The following CD96 variants were observed in gnomAD, a reference collection of about 807,000 sequenced individuals.
CD96 encodes T-cell surface protein tactile.
CD96 carries 70 observed loss-of-function variants against 71.3 expected under a neutral mutation model. That is an observed-to-expected ratio of 0.98 (90% CI 0.81 to 1.20). The LOEUF (loss-of-function observed/expected upper bound fraction) is 1.20, where lower values mean the gene tolerates loss of function less well. Among genes scored for constraint, CD96 ranks in the 50% most tolerant of loss-of-function variants. The pLI, the probability that CD96 is intolerant of heterozygous loss-of-function variation, is 0.00. For missense variants in CD96, 742 were observed against 677.5 expected, an observed-to-expected ratio of 1.10 and a Z score of -1.06; for synonymous variants, 248 against 233.0, an observed-to-expected ratio of 1.06 and a Z score of -0.59.
At chr3:111,661,597 C>A (rs1249570929) in intron 14 of CD96, among the ~76,000 whole-genome samples, 1 of 152,194 alleles carries the variant, frequency 6.6e-6, no homozygotes, top group African/African-American at 2.4e-5. Flanking sequence ...TTGGCCAAAA[C>A]AAAGGGGCTA....
At chr3:111,591,304 C>T (rs1276960402) in intron 5 of CD96, among the ~76,000 whole-genome samples, 1 of 134,662 alleles carries the variant, frequency 7.4e-6, no homozygotes, top group Non-Finnish European at 1.5e-5. Flanking sequence ...ACCCAGGAGG[C>T]GGAGGTTGCA....
intron 12 of CD96, among the ~76,000 whole-genome samples, chr3:111,639,794 C>A (rs1036293789): frequency 1.3e-5 from 2 of 152,150 alleles, no homozygotes; most frequent in Non-Finnish European, 2.9e-5. Context: ...ATAGATGGTT[C>A]ATATCACAGG....
intron 12 of CD96, among the ~76,000 whole-genome samples, chr3:111,646,610 C>T (rs907493149): frequency 4.0e-5 from 6 of 151,070 alleles, no homozygotes; most frequent in East Asian, 1.9e-4. Flanking sequence ...TATACACTGC[C>T]GGTGGGAATG....
chr3:111,642,258 CA>C (rs1233617655), intron 12 of CD96, among the ~76,000 whole-genome samples: 1 of 151,962 alleles, frequency 6.6e-6, no homozygotes, highest in Non-Finnish European at 1.5e-5. Context: ...TGAGATTAAC[CA>C]AGAAAAGAAG....
intron 8 of CD96, among the ~76,000 whole-genome samples, chr3:111,616,553 G>A (rs1447375102): frequency 6.6e-6 from 1 of 152,160 alleles, no homozygotes; most frequent in East Asian, 1.9e-4. Context: ...CCCTGATGAT[G>A]ATGATGCATG....
intron 14 of CD96, among the ~76,000 whole-genome samples, chr3:111,663,766 T>TTTTTATG (rs1940411865): frequency 6.6e-6 from 1 of 151,586 alleles, no homozygotes; most frequent in Non-Finnish European, 1.5e-5. Flanking sequence ...TTTTTTTTTT[T>TTTTTATG]GAGATGGAGT....
At chr3:111,569,059 G>A (rs1467479840) in intron 3 of CD96, among the ~76,000 whole-genome samples, 1 of 152,112 alleles carries the variant, frequency 6.6e-6, no homozygotes, top group Admixed American at 6.5e-5. Context: ...GTAACAGCTG[G>A]CACAATTTGG....
intron 4 of CD96, among the ~76,000 whole-genome samples, chr3:111,581,481 T>C (rs1371909998): frequency 6.6e-6 from 1 of 152,202 alleles, no homozygotes; most frequent in African/African-American, 2.4e-5. Context: ...ACCCAGCATA[T>C]TTCTTCTTCC....
At chr3:111,600,675 G>A (rs925990089) in intron 6 of CD96, 51 bp from the exon 7 acceptor site, 1 of 1,339,224 alleles carries the variant, frequency 7.5e-7, no homozygotes, top group Non-Finnish European at 1.1e-6. Context: ...ATTATTGTAT[G>A]GCTCATACAT....
At chr3:111,612,447 A>G (rs1213561059) in intron 8 of CD96, among the ~76,000 whole-genome samples, 1 of 152,190 alleles carries the variant, frequency 6.6e-6, no homozygotes, top group Non-Finnish European at 1.5e-5. Context: ...GTATAATAAT[A>G]CTAAGCAATA....
chr3:111,569,841 C>T (rs1417159884), intron 3 of CD96, among the ~76,000 whole-genome samples: 2 of 152,158 alleles, frequency 1.3e-5, no homozygotes, highest in Admixed American at 1.3e-4. Context: ...AAAACAGTAT[C>T]AATCGCTACC....
chr3:111,572,452 T>G (rs978326530), intron 3 of CD96, among the ~76,000 whole-genome samples: 4 of 152,248 alleles, frequency 2.6e-5, no homozygotes, highest in African/African-American at 9.6e-5. Context: ...ATCATAATTG[T>G]TACATGTCTG....
intron 3 of CD96, among the ~76,000 whole-genome samples, chr3:111,576,574 C>G (rs903813437): frequency 2.0e-5 from 3 of 151,286 alleles, no homozygotes; most frequent in Non-Finnish European, 4.4e-5. Context: ...CTTATTTGTC[C>G]CCGGTTCTGG....
intron 4 of CD96, among the ~76,000 whole-genome samples, chr3:111,583,115 A>G (rs1009665951): frequency 2.0e-5 from 3 of 152,254 alleles, no homozygotes; most frequent in Admixed American, 6.5e-5. Flanking sequence ...TTCAGTAAAT[A>G]CAACCATTCT....
At chr3:111,567,773 G>A (rs1935790338) in intron 3 of CD96, 126 bp downstream of exon 3, 1 of 878,614 alleles carries the variant, frequency 1.1e-6, no homozygotes, top group Non-Finnish European at 1.9e-6. Context: ...CCAGTGGTGG[G>A]AAGAGGGGTA....
intron 7 of CD96, among the ~76,000 whole-genome samples, chr3:111,605,421 T>G (rs145683824): frequency 6.6e-6 from 1 of 152,230 alleles, no homozygotes; most frequent in East Asian, 1.9e-4. Context: ...AGGGGATTAT[T>G]TGAGAGAGAT....
chr3:111,625,179 T>G (rs896522295), intron 10 of CD96, among the ~76,000 whole-genome samples: 1 of 152,228 alleles, frequency 6.6e-6, no homozygotes, highest in African/African-American at 2.4e-5. Context: ...CCCTCATTCC[T>G]GGGAACTTGT....
At chr3:111,574,894 C>T (rs1320189875) in intron 3 of CD96, among the ~76,000 whole-genome samples, 1 of 151,962 alleles carries the variant, frequency 6.6e-6, no homozygotes, top group Non-Finnish European at 1.5e-5. Flanking sequence ...GGTGATCCTC[C>T]CACCTCAGCC....
chr3:111,663,741 A>AT (rs1411937770), intron 14 of CD96, among the ~76,000 whole-genome samples: 1 of 137,958 alleles, frequency 7.2e-6, no homozygotes, highest in Non-Finnish European at 1.5e-5. Flanking sequence ...AAGAAAAGAA[A>AT]TGCTTATACA....
Sources: allele counts gnomAD v4.1 joint callset (sites outside exome capture counted in the v4.1 genomes callset), GRCh38; gene constraint gnomAD v4.1.1; transcripts MANE v1.5; gene names NCBI Gene and HGNC (gene_info 2026-07-23, HGNC 2026-07-21).